Variants in RHOXF1 observed in about 807,000 individuals in gnomAD.
RHOXF1 encodes the protein Rhox homeobox family member 1.
Under a neutral mutation model 9.7 loss-of-function variants are expected in RHOXF1, and 1 was observed. The ratio of observed to expected loss-of-function variants is 0.10; its 90% CI spans 0.04 to 0.49. RHOXF1 has a LOEUF of 0.49. RHOXF1 is among the 20% of genes least tolerant of loss of function. The pLI is 0.95. For synonymous variants in RHOXF1, 72 were observed against 70.2 expected (o/e 1.03, Z -0.13); for missense variants, 179 against 168.0 (o/e 1.07, Z -0.36).
At chrX:120,112,479 ATGTG>A (rs1274053519) in intron 2 of RHOXF1, among the ~76,000 whole-genome samples, 1 of 69,003 alleles carries the variant, frequency 1.4e-5, no homozygotes, top group Admixed American at 1.6e-4. Context: ...ATACACATAT[ATGTG>A]TTATATATAA....
At chrX:120,111,145 C>T (rs188810858) in intron 2 of RHOXF1, among the ~76,000 whole-genome samples, 2 of 112,034 alleles carry the variant, frequency 1.8e-5, no homozygotes, top group African/African-American at 6.5e-5. Flanking sequence ...TATCTTGTGG[C>T]TCATATTCTT....
chrX:120,112,662 GA>G (rs1412412087), intron 2 of RHOXF1, among the ~76,000 whole-genome samples: 2 of 109,892 alleles, frequency 1.8e-5, no homozygotes, highest in African/African-American at 6.6e-5. Context: ...ATTGGAATGG[GA>G]AAGAGGAAAG....
upstream of RHOXF1, among the ~76,000 whole-genome samples, chrX:120,119,279 A>C (rs945245937): frequency 2.7e-5 from 3 of 111,587 alleles, no homozygotes. Context: ...AATGAGAATA[A>C]ACTGCTCACC....
chrX:120,110,588 C>T (rs1555999664), intron 2 of RHOXF1, among the ~76,000 whole-genome samples: 2 of 111,325 alleles, frequency 1.8e-5, no homozygotes, highest in Admixed American at 1.9e-4. Context: ...AAAGGTGGAA[C>T]CAGCATTTTA....
intron 1 of RHOXF1, 79 bp downstream of exon 1, chrX:120,115,386 A>T: frequency 1.5e-5 from 13 of 847,501 alleles, no homozygotes; most frequent in South Asian, 9.0e-5. Context: ...TTTCCTCATG[A>T]TTGGGTGGGG....
chrX:120,113,922 T>C (rs1183047813), intron 1 of RHOXF1, among the ~76,000 whole-genome samples: 2 of 107,471 alleles, frequency 1.9e-5, no homozygotes, highest in African/African-American at 3.4e-5. Flanking sequence ...CGAAACCTTA[T>C]CTCTACACAC....
At position 120,115,650 on chromosome X, in the gene RHOXF1, G is replaced by A. The variant is rs1195594172; in HGVS notation, c.213C>T (p.Gly71=). 6 of 1,187,108 alleles carry A rather than the reference G, an allele frequency of 5.1e-6. No homozygotes were observed. The highest frequency in any genetic ancestry group is 6.8e-6 in the Non-Finnish European group (6 of 883,186). ...GCTGCCGAGGCTCCTGGTTTCCACC[G>A]CCGCCCTCGGGGATCATGCCGCCAT... ...NRDGGMIPEG[G]GGNQEPRQQP... is the part of the protein sequence containing the mutation. The change falls in exon 1 of 3, where the codon GGC becomes GGT. Residue 71 remains glycine, a synonymous_variant. Coordinates refer to ENST00000217999, the MANE Select transcript of RHOXF1 (RefSeq NM_139282.3).
At chrX:120,118,794 C>T (rs1266999609), upstream of RHOXF1, among the ~76,000 whole-genome samples, 2 of 111,767 alleles carry the variant, frequency 1.8e-5, no homozygotes, top group Admixed American at 1.9e-4. Context: ...CCCTGCTTAT[C>T]ACCTTCATAC....
chrX:120,115,797 G>T lies in RHOXF1; in HGVS notation c.66C>A (p.Ser22Arg). 8.3e-7 allele frequency: 1 copy of T among 1,204,979 alleles called. No homozygotes were observed. ...YCLSVYQVKI[S>R]PTPQLGAASS... ...ATGCTGCCCCCAGCTGAGGTGTGGG[G>T]CTTATTTTTACCTGGTATACACTCA... The change falls in exon 1 of 3, where the codon AGC becomes AGA. Residue 22 changes from serine to arginine, a missense_variant. By Grantham distance (110) the Ser-to-Arg change is moderately radical (BLOSUM62 -1). Transcript: ENST00000217999.
At position 120,115,687 on chromosome X, in the gene RHOXF1, C is replaced by A. The variant is rs868942951; in HGVS notation, c.176G>T (p.Gly59Val). Residue 59 changes from glycine (G) to valine (V), a missense_variant, in exon 1 of 3, where the codon GGC becomes GTC. Transcript: ENST00000217999. Reference sequence around the variant, plus strand: ...GATCATGCCGCCATCGCGGTTCATGCCGTTCTCGTGGTTCACACCGCCCTC... The same window carrying A: ...GATCATGCCGCCATCGCGGTTCATGACGTTCTCGTGGTTCACACCGCCCTC... ...NPEGGVNHENGMNRDGGMIPE... is the reference protein window; with the variant it reads ...NPEGGVNHENVMNRDGGMIPE... 2 of 1,205,673 alleles carry A rather than the reference C, an allele frequency of 1.7e-6. No individual in the cohort carries two copies. The highest frequency in any genetic ancestry group is 2.2e-6 in the Non-Finnish European group (2 of 892,984).
upstream of RHOXF1, among the ~76,000 whole-genome samples, chrX:120,118,261 G>A (rs782208113): frequency 1.6e-4 from 18 of 111,646 alleles, no homozygotes; most frequent in Admixed American, 5.7e-4. Context: ...GCACCGTCAC[G>A]GGCAGAGCTA....
chrX:120,118,346 T>C (rs781978213), upstream of RHOXF1, among the ~76,000 whole-genome samples: 11 of 111,775 alleles, frequency 9.8e-5, no homozygotes, highest in South Asian at 4.2e-3. Context: ...TGCTTTAAGG[T>C]TCGGTCTCTG....
intron 1 of RHOXF1, 46 bp downstream of exon 1, chrX:120,115,419 C>G: frequency 9.5e-7 from 1 of 1,051,936 alleles, no homozygotes; most frequent in Non-Finnish European, 1.2e-6. Flanking sequence ...AAAGATGCCT[C>G]GAAACGAACT....
upstream of RHOXF1, chrX:120,116,563 G>A (rs1387311764): frequency 1.8e-5 from 2 of 110,658 alleles, no homozygotes; most frequent in Non-Finnish European, 3.8e-5. Flanking sequence ...AATATCTCAT[G>A]GCCTGACCCT....
chrX:120,119,436 G>A (rs1485737666), upstream of RHOXF1: 5 of 111,431 alleles, frequency 4.5e-5, no homozygotes, highest in African/African-American at 1.6e-4. Flanking sequence ...GGTACTTAAG[G>A]TTTTCAAGAG....
At chrX:120,118,316 A>C (rs1382748072), upstream of RHOXF1, among the ~76,000 whole-genome samples, 2 of 111,389 alleles carry the variant, frequency 1.8e-5, no homozygotes, top group African/African-American at 6.5e-5. Context: ...GGTAGGAGAG[A>C]GTTCTGGAGG....
chrX:120,109,852 T>C (rs1191149607), intron 2 of RHOXF1, among the ~76,000 whole-genome samples: 2 of 111,758 alleles, frequency 1.8e-5, no homozygotes, highest in Non-Finnish European at 3.8e-5. Context: ...CCCAAAGTGT[T>C]GGGATTACAA....
At chrX:120,109,676 T>C (rs782659295) in intron 2 of RHOXF1, among the ~76,000 whole-genome samples, 6 of 109,741 alleles carry the variant, frequency 5.5e-5, no homozygotes, top group Admixed American at 2.0e-4. Flanking sequence ...GACATTGAAC[T>C]TCTGGGCTCA....
Position 120,115,758 on chromosome X carries a change from G to T in RHOXF1, c.105C>A (p.Gly35=), listed in dbSNP as rs200045031. ...PQLGAASSAE[G]HVGQGAPGLM... ...GGCCTGGAGCTCCTTGGCCAACATGGCCTTCTGCGCTTGATGCTGCCCCCA... is the reference window on the plus strand; with the variant it reads ...GGCCTGGAGCTCCTTGGCCAACATGTCCTTCTGCGCTTGATGCTGCCCCCA... Residue 35 remains glycine, a synonymous_variant, in exon 1 of 3, where the codon GGC becomes GGA. Transcript: ENST00000217999. 1.1e-5 allele frequency: 13 copies of T among 1,206,317 alleles called. No homozygotes were observed. The African/African-American group carries it at 2.3e-4, about 21-fold the overall frequency.
Sources: gnomAD v4.1 joint callset for allele counts (sites outside exome capture counted in the v4.1 genomes callset) on GRCh38, gnomAD v4.1.1 for gene constraint, MANE v1.5 for transcripts, NCBI Gene and HGNC (gene_info 2026-07-23, HGNC 2026-07-21) for gene names.